PSMD1: variants seen among roughly 807,000 people sequenced by gnomAD.
PSMD1 encodes the protein proteasome 26S subunit, non-ATPase 1, also known as 26S proteasome non-ATPase regulatory subunit 1.
A neutral mutation model predicts 119.0 loss-of-function variants in PSMD1; 18 were observed. The ratio of observed to expected loss-of-function variants is 0.15; its 90% CI spans 0.10 to 0.22. The LOEUF is 0.22. Among genes scored for constraint, PSMD1 ranks in the 10% least tolerant of loss-of-function variants. The pLI, the probability that PSMD1 is intolerant of heterozygous loss-of-function variation, is 1.00. For synonymous variants in PSMD1, 374 were observed against 396.6 expected (o/e 0.94, Z 0.68); for missense variants, 702 against 1,158.5 (o/e 0.61, Z 5.72).
At chr2:231,139,344 A>C (rs1218044540) in intron 17 of PSMD1, among the ~76,000 whole-genome samples, 1 of 86,372 alleles carries the variant, frequency 1.2e-5, no homozygotes, top group Non-Finnish European at 2.2e-5. Flanking sequence ...TTTTCTTTTG[A>C]GTCTTGCTCT....
chr2:231,153,211 A>C (rs1696409567), intron 18 of PSMD1, among the ~76,000 whole-genome samples: 1 of 152,244 alleles, frequency 6.6e-6, no homozygotes, highest in South Asian at 2.1e-4. Flanking sequence ...GGTGGTAAAC[A>C]GAATAGCTAT....
chr2:231,117,011 A>G (rs764122748), intron 16 of PSMD1, among the ~76,000 whole-genome samples: 5 of 152,050 alleles, frequency 3.3e-5, no homozygotes, highest in Admixed American at 6.6e-5. Context: ...TATTTGGGTA[A>G]TCTAAGAATT....
chr2:231,116,063 A>G (rs16827801), intron 16 of PSMD1, among the ~76,000 whole-genome samples: 59,999 of 151,830 alleles, frequency 0.4, 13,181 homozygotes, highest in African/African-American at 0.58. Flanking sequence ...GAGGCCTCTC[A>G]GAATAAATTA....
intron 16 of PSMD1, among the ~76,000 whole-genome samples, chr2:231,115,331 G>A (rs1574743029): frequency 6.6e-6 from 1 of 152,122 alleles, no homozygotes; most frequent in African/African-American, 2.4e-5. Context: ...GTATCCAGAA[G>A]GTAGCAAGGC....
intron 19 of PSMD1, among the ~76,000 whole-genome samples, chr2:231,157,430 C>CTTTTTTTTTTTTTTTTTTTTCT (rs756874279): frequency 7.8e-6 from 1 of 128,894 alleles, no homozygotes; most frequent in Admixed American, 7.6e-5. Flanking sequence ...TTTTCTTTTT[C>CTTTTTTTTTTTTTTTTTTTTCT]TTTTTTTTTT....
intron 16 of PSMD1, among the ~76,000 whole-genome samples, chr2:231,102,749 A>G (rs1243322761): frequency 1.3e-5 from 2 of 151,930 alleles, no homozygotes; most frequent in Admixed American, 6.6e-5. Context: ...AGAAGTAGGT[A>G]CACTCAGTGT....
intron 16 of PSMD1, among the ~76,000 whole-genome samples, chr2:231,120,811 G>C (rs1048250555): frequency 6.6e-6 from 1 of 152,114 alleles, no homozygotes; most frequent in Non-Finnish European, 1.5e-5. Flanking sequence ...AACCAAGAAC[G>C]CTTGTTTGTA....
chr2:231,066,846 G>C, intron 4 of PSMD1, 60 bp from the exon 5 acceptor site: 3 of 1,337,302 alleles, frequency 2.2e-6, no homozygotes, highest in Non-Finnish European at 3.0e-6. Context: ...TATAGGCATT[G>C]CCCTTTCTGA....
intron 19 of PSMD1, among the ~76,000 whole-genome samples, chr2:231,155,650 T>C (rs1282552926): frequency 1.3e-5 from 2 of 152,006 alleles, no homozygotes; most frequent in Admixed American, 6.5e-5. Flanking sequence ...TGCTGTTTTA[T>C]AACTTTGGTG....
intron 24 of PSMD1, among the ~76,000 whole-genome samples, chr2:231,171,873 A>T (rs906688146): frequency 3.3e-5 from 5 of 151,822 alleles, no homozygotes; most frequent in African/African-American, 1.2e-4. Flanking sequence ...TCTACTCTTT[A>T]AAAAAAATAA....
In PSMD1 at chr2:231,056,968, A is replaced by G. The variant is rs891289782; in HGVS notation, c.-58A>G. Reference sequence around the variant, plus strand: ...TGAACTGAGCGGCCCCTGAGCTGACAGATACACTGCGCAGCTGGAACGGCG... The same window carrying G: ...TGAACTGAGCGGCCCCTGAGCTGACGGATACACTGCGCAGCTGGAACGGCG... On this transcript the variant is annotated 5_prime_UTR_variant, in exon 1 of 25. Coordinates refer to ENST00000308696, the MANE Select transcript of PSMD1 (RefSeq NM_002807.4). 1.5e-5 allele frequency: 23 copies of G among 1,538,980 alleles called. No individual in the cohort carries two copies. In the African/African-American group the frequency reaches 2.1e-4, roughly 14 times the overall value.
intron 18 of PSMD1, among the ~76,000 whole-genome samples, chr2:231,152,643 T>G (rs1000167772): frequency 2.6e-5 from 4 of 152,146 alleles, no homozygotes; most frequent in African/African-American, 9.7e-5. Flanking sequence ...GGGAAAAGAT[T>G]CTGAAAGAAT....
chr2:231,154,281 A>C (rs1008300982), intron 19 of PSMD1, among the ~76,000 whole-genome samples: 1 of 151,728 alleles, frequency 6.6e-6, no homozygotes, highest in Non-Finnish European at 1.5e-5. Context: ...AAAATACAAA[A>C]AAATTAGCCA....
chr2:231,066,829 T>G, intron 4 of PSMD1, 77 bp from the exon 5 acceptor site: 7 of 1,175,092 alleles, frequency 6.0e-6, no homozygotes, highest in Non-Finnish European at 4.7e-6. Context: ...GTATATATGA[T>G]TATAAATATA....
At chr2:231,154,423 G>A (rs981395771) in intron 19 of PSMD1, among the ~76,000 whole-genome samples, 1 of 152,158 alleles carries the variant, frequency 6.6e-6, no homozygotes, top group Non-Finnish European at 1.5e-5. Flanking sequence ...GACAGTGACA[G>A]TGGTGACAGT....
intron 16 of PSMD1, among the ~76,000 whole-genome samples, chr2:231,122,995 G>A (rs1695598118): frequency 6.6e-6 from 1 of 152,144 alleles, no homozygotes; most frequent in East Asian, 1.9e-4. Context: ...TTGGGATTTA[G>A]TAATTCAAAG....
intron 16 of PSMD1, among the ~76,000 whole-genome samples, chr2:231,092,252 A>G (rs1694614501): frequency 6.6e-6 from 1 of 152,154 alleles, no homozygotes; most frequent in African/African-American, 2.4e-5. Flanking sequence ...TTGTCTCCTT[A>G]ATACCATGAT....
chr2:231,087,370 A>T lies in PSMD1; in HGVS notation c.1883+189A>T, dbSNP rs997919855. Among the ~76,000 whole-genome samples the T allele has an allele frequency of 3.3e-5, 5 of 152,344 alleles. No individual in the cohort carries two copies. The East Asian group carries it at 5.8e-4, about 18-fold the overall frequency. On this transcript the variant is annotated intron_variant, in intron 16 of 24. Coordinates refer to ENST00000308696, the MANE Select transcript of PSMD1 (RefSeq NM_002807.4). ...GTTCATCTGAAAAAGAACAAAGCAT[A>T]TCATGGGATTCTGAGAACCTCTTTT...
chr2:231,103,593 G>A (rs888777756), intron 16 of PSMD1, among the ~76,000 whole-genome samples: 22 of 152,192 alleles, frequency 1.4e-4, no homozygotes, highest in Admixed American at 2.0e-4. Flanking sequence ...TAAAATATTG[G>A]AATACTTCAT....
Sources: gnomAD v4.1 joint callset for allele counts (sites outside exome capture counted in the v4.1 genomes callset) on GRCh38, gnomAD v4.1.1 for gene constraint, MANE v1.5 for transcripts, NCBI Gene and HGNC (gene_info 2026-07-23, HGNC 2026-07-21) for gene names.